The following DHRS7B variants were observed in gnomAD, a reference collection of about 807,000 sequenced individuals.
The protein encoded by DHRS7B is dehydrogenase/reductase 7B.
DHRS7B carries 24 observed loss-of-function variants against 26.4 expected under a neutral mutation model. The ratio of observed to expected loss-of-function variants is 0.91; its 90% confidence interval spans 0.66 to 1.28. The LOEUF (loss-of-function observed/expected upper bound fraction) is 1.28, where lower values mean the gene tolerates loss of function less well. Among genes scored for constraint, DHRS7B ranks in the 50% most tolerant of loss-of-function variants. DHRS7B has a pLI of 0.00. For synonymous variants in DHRS7B, 142 were observed against 166.4 expected (o/e 0.85, Z 1.13); for missense variants, 368 against 419.4 (o/e 0.88, Z 1.07).
rs929294536 is a variant in DHRS7B, at chr17:21,178,473, A to G, written c.309+131A>G. 5.5e-6 allele frequency: 4 copies of G among 733,404 alleles called. No individual in the cohort carries two copies. In the Admixed American group the frequency reaches 7.7e-5, roughly 14 times the overall value. The allele number at this position is 733,404 out of a possible 1,614,324, so 45.4% of individuals were successfully genotyped here. On this transcript the variant is annotated intron_variant, in intron 3 of 6. Transcript: ENST00000395511. ...TGCGTCACACTGTCCCAGGGAAGGC[A>G]GCAGGTCTCCATAGCGAACCGGGCC...
intron 1 of DHRS7B, among the ~76,000 whole-genome samples, chr17:21,169,493 G>A (rs926346361): frequency 5.3e-5 from 8 of 152,176 alleles, no homozygotes; most frequent in African/African-American, 1.7e-4. Flanking sequence ...AGGACACTGA[G>A]GCCCAGGGCA....
intron 1 of DHRS7B, among the ~76,000 whole-genome samples, chr17:21,157,153 C>G (rs949713236): frequency 2.0e-5 from 3 of 151,436 alleles, no homozygotes; most frequent in African/African-American, 7.2e-5. Context: ...AAGAATTATA[C>G]CAATTCTCTA....
intron 2 of DHRS7B, among the ~76,000 whole-genome samples, chr17:21,174,516 A>G (rs896350884): frequency 6.6e-6 from 1 of 152,178 alleles, no homozygotes; most frequent in Non-Finnish European, 1.5e-5. Flanking sequence ...CTACCTTCCA[A>G]TATCAGCTTT....
In DHRS7B at chr17:21,172,060, C is replaced by T. The variant is rs1445604336; in HGVS notation, c.63C>T (p.Ser21=). 3 of 1,614,212 alleles carry T rather than the reference C, an allele frequency of 1.9e-6. No individual in the cohort carries two copies. Among genetic ancestry groups the T allele is most frequent in the Admixed American group, 1.7e-5 (1 of 60,018 alleles). The change falls in exon 2 of 7, where the codon TCC becomes TCT. Residue 21 remains serine, a synonymous_variant. Coordinates refer to ENST00000395511, the MANE Select transcript of DHRS7B (RefSeq NM_015510.5). ...PKVKAMDFIT[S]TAILPLLFGC... is the part of the protein sequence containing the mutation. The stretch of plus-strand genomic sequence containing the variant: ...TGAAGGCCATGGACTTCATCACCTC[C>T]ACAGCCATCCTGCCCCTGCTGTTCG...
chr17:21,133,657 G>A (rs1973285943), intron 1 of DHRS7B, among the ~76,000 whole-genome samples: 1 of 152,170 alleles, frequency 6.6e-6, no homozygotes, highest in South Asian at 2.1e-4. Flanking sequence ...TTTGGAGAAA[G>A]CATTTTAGAA....
chr17:21,148,357 C>T (rs1973687245), intron 1 of DHRS7B, among the ~76,000 whole-genome samples: 1 of 152,062 alleles, frequency 6.6e-6, no homozygotes, highest in East Asian at 1.9e-4. Context: ...AGTCTCAGAA[C>T]TGAGAAATAC....
intron 1 of DHRS7B, among the ~76,000 whole-genome samples, chr17:21,146,496 A>G (rs1208206687): frequency 6.6e-6 from 1 of 152,246 alleles, no homozygotes; most frequent in Non-Finnish European, 1.5e-5. Flanking sequence ...CATTTTGCAG[A>G]TGAGGAAACT....
At chr17:21,154,080 G>T (rs1453860716) in intron 1 of DHRS7B, among the ~76,000 whole-genome samples, 1 of 152,140 alleles carries the variant, frequency 6.6e-6, no homozygotes. Context: ...AGGCTGAGGT[G>T]GGTGGATCAC....
rs144330164 is a variant in DHRS7B at position 21,183,688 on chromosome 17, A to G, written c.404A>G (p.Tyr135Cys). The G allele has an allele frequency of 4.3e-6, 7 of 1,614,186 alleles. No individual in the cohort carries two copies. The highest frequency in any genetic ancestry group is 5.1e-6 in the Non-Finnish European group (6 of 1,180,036). Reference protein sequence around the residue: ...AAAEILQCFGYVDILVNNAGI... With the variant: ...AAAEILQCFGCVDILVNNAGI... Reference sequence around the variant, plus strand: ...GCTGAGATCCTGCAGTGCTTTGGCTATGTCGACATACTTGTCAACAATGCT... The same window carrying G: ...GCTGAGATCCTGCAGTGCTTTGGCTGTGTCGACATACTTGTCAACAATGCT... Residue 135 changes from tyrosine to cysteine, a missense_variant, in exon 4 of 7, where the codon TAT becomes TGT. Transcript: ENST00000395511.
chr17:21,127,110 C>T, intron 1 of DHRS7B, 119 bp downstream of exon 1: 2 of 1,115,150 alleles, frequency 1.8e-6, no homozygotes, highest in Non-Finnish European at 1.2e-6. Context: ...AGGCCGCGGG[C>T]CCTGGGCGGC....
intron 1 of DHRS7B, among the ~76,000 whole-genome samples, chr17:21,156,595 A>G (rs1973885879): frequency 1.4e-5 from 2 of 142,716 alleles, no homozygotes; most frequent in Admixed American, 7.3e-5. Context: ...ACAGAGTGAG[A>G]CTCCATCTCA....
chr17:21,170,362 G>T (rs1232082031), intron 1 of DHRS7B, among the ~76,000 whole-genome samples: 1 of 152,196 alleles, frequency 6.6e-6, no homozygotes, highest in East Asian at 1.9e-4. Flanking sequence ...TAGCCTGCAG[G>T]CAAGAACACC....
At chr17:21,160,213 C>T (rs574590449) in intron 1 of DHRS7B, among the ~76,000 whole-genome samples, 11 of 151,994 alleles carry the variant, frequency 7.2e-5, no homozygotes, top group South Asian at 6.2e-4. Context: ...AAAAATTAGC[C>T]GGGCATGGTG....
chr17:21,185,781 G>A (rs534901969), intron 5 of DHRS7B, among the ~76,000 whole-genome samples: 2 of 151,886 alleles, frequency 1.3e-5, no homozygotes, highest in South Asian at 2.1e-4. Context: ...TCCGCCTCCC[G>A]GGTTCAAGCG....
At chr17:21,141,640 A>AAAAAAAAAAACG in intron 1 of DHRS7B, among the ~76,000 whole-genome samples, 1 of 90,078 alleles carries the variant, frequency 1.1e-5, no homozygotes, top group Non-Finnish European at 2.1e-5. Flanking sequence ...AAAAAAAAAA[A>AAAAAAAAAAACG]CAACCTCATC....
intron 1 of DHRS7B, among the ~76,000 whole-genome samples, chr17:21,145,955 C>G (rs755772127): frequency 2.0e-5 from 3 of 152,006 alleles, no homozygotes; most frequent in Non-Finnish European, 4.4e-5. Flanking sequence ...ATTTGGTTGC[C>G]CATTAATGTT....
chr17:21,182,542 C>A (rs59840113), intron 3 of DHRS7B, among the ~76,000 whole-genome samples: 11,622 of 152,186 alleles, frequency 0.076, 755 homozygotes, highest in African/African-American at 0.19. Flanking sequence ...AGCCACTGCC[C>A]CCGGCCAATT....
At chr17:21,162,252 G>C (rs1031981816) in intron 1 of DHRS7B, among the ~76,000 whole-genome samples, 13 of 152,098 alleles carry the variant, frequency 8.5e-5, no homozygotes, top group Admixed American at 8.5e-4. Context: ...TTTGCTCTGG[G>C]ATGTGATTTG....
intron 1 of DHRS7B, among the ~76,000 whole-genome samples, chr17:21,164,602 G>T (rs1974071496): frequency 1.3e-5 from 2 of 152,242 alleles, no homozygotes; most frequent in Admixed American, 6.5e-5. Flanking sequence ...TTTGAATGAA[G>T]TCTTCAGGCA....
Sources: gnomAD v4.1 joint callset for allele counts (sites outside exome capture counted in the v4.1 genomes callset) on GRCh38, gnomAD v4.1.1 for gene constraint, MANE v1.5 for transcripts, NCBI Gene and HGNC (gene_info 2026-07-23, HGNC 2026-07-21) for gene names.